PARP14: variants seen among roughly 807,000 people sequenced by gnomAD.
PARP14 encodes protein mono-ADP-ribosyltransferase PARP14.
A neutral mutation model predicts 154.2 loss-of-function variants in PARP14; 59 were observed. The observed-to-expected ratio is 0.38, with a 90% CI of 0.31 to 0.48. The LOEUF (loss-of-function observed/expected upper bound fraction) is 0.48, where lower values mean the gene tolerates loss of function less well. PARP14 is among the 20% of genes least tolerant of loss of function. The pLI is 0.98. For missense variants in PARP14, 1,734 were observed against 2,131.6 expected (o/e 0.81, Z 3.67); for synonymous variants, 720 against 780.5 (o/e 0.92, Z 1.29).
chr3:122,685,510 C>CTT (rs10711299), intron 2 of PARP14, among the ~76,000 whole-genome samples, 192 bp downstream of exon 2: 5 of 137,268 alleles, frequency 3.6e-5, no homozygotes, highest in Admixed American at 7.3e-5. Flanking sequence ...GGAGGGGGTA[C>CTT]TTTTTTTTTT....
chr3:122,712,678 C>G (rs1939361641), intron 9 of PARP14, among the ~76,000 whole-genome samples: 1 of 152,042 alleles, frequency 6.6e-6, no homozygotes, highest in Non-Finnish European at 1.5e-5. Context: ...CTCAGCCTCC[C>G]AAGTAGCTGG....
At position 122,701,521 on chromosome 3, in the gene PARP14, A is replaced by T; in HGVS notation, c.2967A>T (p.Pro989=). Residue 989 remains proline (P), a synonymous_variant, in exon 6 of 17, where the codon CCA becomes CCT. Transcript: ENST00000474629. This position sits in a 1 kb window ranked among gnomAD's most constrained non-coding sequence, Gnocchi z 4.0. The part of the protein sequence containing the change: ...KATLPDTAAP[P]GLPPAAAGPG... ...CCCTGCCAGATACAGCTGCCCCGCCAGGTTTACCACCAGCAGCAGCGGGGC... is the reference window on the plus strand; with the variant it reads ...CCCTGCCAGATACAGCTGCCCCGCCTGGTTTACCACCAGCAGCAGCGGGGC... 6.2e-7 allele frequency: 1 copy of T among 1,613,250 alleles called. No individual in the cohort carries two copies. The highest frequency in any genetic ancestry group is 8.5e-7 in the Non-Finnish European group (1 of 1,179,490).
In PARP14 at chr3:122,700,186, G is replaced by A. The variant is rs997497334; in HGVS notation, c.1632G>A (p.Gln544=). The A allele has an allele frequency of 1.9e-6, 3 of 1,612,456 alleles. No individual in the cohort carries two copies. Among genetic ancestry groups the A allele is most frequent in the Non-Finnish European group, 8.5e-7 (1 of 1,179,060 alleles). Reference sequence around the variant, plus strand: ...TTCAGGTTTCTCCTGAGATTTTTCAGTTTTTGCAACAGGTAAACTGGAAAG... The same window carrying A: ...TTCAGGTTTCTCCTGAGATTTTTCAATTTTTGCAACAGGTAAACTGGAAAG... The part of the protein sequence containing the change: ...KNIQVSPEIF[Q]FLQQVNWKEF... Residue 544 remains glutamine, a synonymous_variant, in exon 6 of 17, where the codon CAG becomes CAA. Coordinates refer to ENST00000474629, the MANE Select transcript of PARP14 (RefSeq NM_017554.3).
chr3:122,690,969 C>A (rs1384159823), intron 3 of PARP14, among the ~76,000 whole-genome samples: 1 of 152,136 alleles, frequency 6.6e-6, no homozygotes, highest in East Asian at 1.9e-4. Flanking sequence ...AAGGTCACTG[C>A]AAGGGAGAAT....
intron 12 of PARP14, among the ~76,000 whole-genome samples, chr3:122,715,277 A>T (rs910231430): frequency 6.6e-6 from 1 of 152,136 alleles, no homozygotes; most frequent in Non-Finnish European, 1.5e-5. Flanking sequence ...GTGCGAGAAT[A>T]GTCAGCATCG....
At position 122,701,595 on chromosome 3, in the gene PARP14, T is replaced by A; in HGVS notation, c.3041T>A (p.Leu1014Gln). ...GGAAGCCTGGTGTCCCCGGGAGGCC[T>A]GCAGATGCTGTTGGTGAAAGAGGGT... ...EKGSLVSPGG[L>Q]QMLLVKEGVQ... The change falls in exon 6 of 17, where the codon CTG becomes CAG. Residue 1014 changes from leucine to glutamine, a missense_variant. Transcript: ENST00000474629. The surrounding 1 kb of genome is among the most constrained non-coding windows in gnomAD (Gnocchi z 4.0). The A allele has an allele frequency of 1.9e-6, 3 of 1,604,440 alleles. No homozygotes were observed. The highest frequency in any genetic ancestry group is 2.6e-6 in the Non-Finnish European group (3 of 1,175,150).
chr3:122,725,739 C>G (rs1311538278), intron 15 of PARP14, among the ~76,000 whole-genome samples: 3 of 152,138 alleles, frequency 2.0e-5, no homozygotes, highest in African/African-American at 7.2e-5. Context: ...TCCAGCCTGA[C>G]AATCTTTTAT....
chr3:122,723,138 C>T (rs1230292629), intron 15 of PARP14, among the ~76,000 whole-genome samples: 1 of 152,108 alleles, frequency 6.6e-6, no homozygotes, highest in Non-Finnish European at 1.5e-5. Context: ...TGGGGTTTCA[C>T]CATGTTGGCC....
chr3:122,685,710 A>G (rs1262253), intron 2 of PARP14, among the ~76,000 whole-genome samples: 3 of 151,948 alleles, frequency 2.0e-5, no homozygotes. Flanking sequence ...GGGTTTCACC[A>G]TATTGGCCAG....
intron 3 of PARP14, among the ~76,000 whole-genome samples, chr3:122,691,844 T>G (rs892681035): frequency 3.6e-4 from 55 of 152,330 alleles, no homozygotes; most frequent in African/African-American, 1.3e-3. Flanking sequence ...TAAACTTCAA[T>G]TATGTATAAT....
chr3:122,727,675 G>T, intron 15 of PARP14, 137 bp from the exon 16 acceptor site: 1 of 499,800 alleles, frequency 2.0e-6, no homozygotes. Context: ...GTTTCTGAAT[G>T]CAGAAAGCTG....
Position 122,704,503 on chromosome 3 carries a change from A to G in PARP14, c.3319-24A>G, listed in dbSNP as rs769011176. The G allele has an allele frequency of 1.3e-5, 18 of 1,423,240 alleles. 1 individual carries two copies. In the South Asian group the frequency reaches 2.2e-4, roughly 17 times the overall value. 88.2% of individuals were successfully genotyped at this position (1,423,240 alleles called of 1,614,324 possible). A position where few individuals can be genotyped will look rare whatever the true frequency, so the allele number is the denominator to read the frequency against. On this transcript the variant is annotated intron_variant, in intron 7 of 16. Coordinates refer to ENST00000474629, the MANE Select transcript of PARP14 (RefSeq NM_017554.3). ...ACTCCCATTTCTAGACAAGATGTAT[A>G]AGGATGTGCTTTGTGCGTTTCAGAT... is the stretch of plus-strand genomic sequence containing the variant.
chr3:122,686,813 C>T, intron 2 of PARP14: 1 of 373,784 alleles, frequency 2.7e-6, no homozygotes, highest in Admixed American at 4.5e-5. Context: ...AGATGTTTCT[C>T]TGATGTAGGA....
chr3:122,695,776 G>A, intron 5 of PARP14, 114 bp downstream of exon 5: 1 of 608,230 alleles, frequency 1.6e-6, no homozygotes, highest in Non-Finnish European at 2.9e-6. Context: ...TATTTCTTTG[G>A]GAATTGAATA....
In PARP14 at chr3:122,703,910, CTGGACTGTCGCTA is replaced by C; in HGVS notation, c.3253_3265del (p.Asp1085CysfsTer5). 2 of 1,614,010 alleles carry C rather than the reference CTGGACTGTCGCTA, an allele frequency of 1.2e-6. No individual in the cohort carries two copies. Among genetic ancestry groups the C allele is most frequent in the Non-Finnish European group, 1.7e-6 (2 of 1,179,896 alleles). ...AGTGCTCAAAACCAGCAGCTGGAAT[CTGGACTGTCGCTA>C]TGTGCTTCACGTGGTAGCTCCGGAG... is the stretch of plus-strand genomic sequence containing the variant. On this transcript the variant is annotated frameshift_variant, in exon 7 of 17. Transcript: ENST00000474629. LOFTEE classifies it high-confidence loss of function.
At position 122,700,037 on chromosome 3, in the gene PARP14, C is replaced by A; in HGVS notation, c.1483C>A (p.Pro495Thr). 1 of 1,613,856 alleles carries A rather than the reference C, an allele frequency of 6.2e-7. No homozygotes were observed. Among genetic ancestry groups the A allele is most frequent in the Non-Finnish European group, 8.5e-7 (1 of 1,179,828 alleles). ...SLLDHLLTEC[P>T]EIEICYDRVT... ...ACTGGACCATTTACTCACGGAGTGC[C>A]CAGAGATAGAGATTTGTTACGATAG... is the stretch of plus-strand genomic sequence containing the variant. The change falls in exon 6 of 17, where the codon CCA becomes ACA. Residue 495 changes from proline (P) to threonine (T), a missense_variant. By Grantham distance (38) the Pro-to-Thr change is conservative (BLOSUM62 -1). Coordinates refer to ENST00000474629, the MANE Select transcript of PARP14 (RefSeq NM_017554.3).
At position 122,718,961 on chromosome 3, in the gene PARP14, G is replaced by A. The variant is rs186151913; in HGVS notation, c.4807+3G>A. 8.7e-4 allele frequency: 1,353 copies of A among 1,562,620 alleles called. 11 individuals are homozygous for A. Among genetic ancestry groups the A allele is most frequent in the Admixed American group, 1.4e-3 (73 of 50,396 alleles). On this transcript the variant is annotated splice_donor_region_variant and intron_variant, in intron 14 of 16. Coordinates refer to ENST00000474629, the MANE Select transcript of PARP14 (RefSeq NM_017554.3). ...TCAGCGCCTCACGAAATCCAAAGGT[G>A]AGTTAAACATTCATACTTGTCATCC...
At chr3:122,683,091 A>C (rs2107634433) in intron 1 of PARP14, among the ~76,000 whole-genome samples, 1 of 152,182 alleles carries the variant, frequency 6.6e-6, no homozygotes, top group Non-Finnish European at 1.5e-5. Context: ...AGAAACAAAC[A>C]AACAAAAACA....
At chr3:122,706,169 C>A (rs1939145864) in intron 8 of PARP14, among the ~76,000 whole-genome samples, 1 of 152,128 alleles carries the variant, frequency 6.6e-6, no homozygotes, top group South Asian at 2.1e-4. Flanking sequence ...CATTTTCTTT[C>A]CTGAAGACTG....
Sources: allele counts gnomAD v4.1 joint callset (sites outside exome capture counted in the v4.1 genomes callset), GRCh38; gene constraint gnomAD v4.1.1; non-coding constraint Gnocchi (gnomAD v3.1); transcripts MANE v1.5; gene names NCBI Gene and HGNC (gene_info 2026-07-23, HGNC 2026-07-21).